UBAC1: variants seen among roughly 807,000 people sequenced by gnomAD.
UBAC1 encodes ubiquitin-associated domain-containing protein 1.
UBAC1 carries 27 observed loss-of-function variants against 45.9 expected under a neutral mutation model. The ratio of observed to expected loss-of-function variants is 0.59; its 90% CI spans 0.43 to 0.81. UBAC1 has a LOEUF of 0.81. UBAC1 is among the 30% of genes least tolerant of loss of function. The pLI, the probability that UBAC1 is intolerant of heterozygous loss-of-function variation, is 0.00. For synonymous variants in UBAC1, 227 were observed against 215.5 expected (o/e 1.05, Z -0.47); for missense variants, 529 against 539.2 (o/e 0.98, Z 0.19).
intron 2 of UBAC1, among the ~76,000 whole-genome samples, chr9:135,954,270 A>AC (rs959345196): frequency 5.3e-5 from 8 of 151,628 alleles, no homozygotes; most frequent in Non-Finnish European, 8.8e-5. Context: ...ACATGGCGAG[A>AC]CCCCATCTCT....
rs528767066 is a variant in UBAC1, at chr9:135,936,439, G to C, written c.1102+1783C>G. ...ATTAAGAGAAACTTTTAACATTTTT[G>C]GAAAAAAAAATAAAAGGAAAACGTG... is the stretch of plus-strand genomic sequence containing the variant. On this transcript the variant is annotated intron_variant, in intron 9 of 9. Transcript: ENST00000371756. 3.3e-5 allele frequency among the ~76,000 whole-genome samples: 5 copies of C among 150,232 alleles called. No homozygotes were observed. In the South Asian group the frequency reaches 1.0e-3, roughly 31 times the overall value.
At chr9:135,945,775 T>C (rs1839323961) in intron 6 of UBAC1, 114 bp downstream of exon 6, 1 of 788,970 alleles carries the variant, frequency 1.3e-6, no homozygotes, top group Non-Finnish European at 2.0e-6. Flanking sequence ...AACCCCACGT[T>C]AGAAATGATT....
chr9:135,960,691 C>T (rs1325969380), intron 1 of UBAC1, among the ~76,000 whole-genome samples: 4 of 148,322 alleles, frequency 2.7e-5, no homozygotes, highest in African/African-American at 9.7e-5. Context: ...GTTTCCCGAT[C>T]TGCCCCTACC....
intron 3 of UBAC1, among the ~76,000 whole-genome samples, chr9:135,952,740 G>A (rs1049235320): frequency 1.3e-5 from 2 of 152,224 alleles, no homozygotes; most frequent in Non-Finnish European, 2.9e-5. Flanking sequence ...GAACTGTTTC[G>A]GATTTCGGGT....
intron 3 of UBAC1, among the ~76,000 whole-genome samples, chr9:135,952,073 A>G (rs1462180522): frequency 1.3e-5 from 2 of 152,234 alleles, no homozygotes; most frequent in South Asian, 2.1e-4. Context: ...AGCAGTTCCC[A>G]GAAACAGGCC....
chr9:135,939,666 C>T lies in UBAC1; in HGVS notation c.963+7G>A, dbSNP rs934144246. ...CCCACACTCACTCACCACAGCCCAA[C>T]ACTCACCGCGGCATTCTGCTGGTTG... On this transcript the variant is annotated splice_region_variant and intron_variant, in intron 8 of 9. Coordinates refer to ENST00000371756, the MANE Select transcript of UBAC1 (RefSeq NM_016172.3). The T allele has an allele frequency of 1.9e-6, 3 of 1,611,934 alleles. No individual in the cohort carries two copies. Among genetic ancestry groups the T allele is most frequent in the Non-Finnish European group, 2.5e-6 (3 of 1,178,678 alleles).
chr9:135,948,581 G>A (rs1839367661), intron 3 of UBAC1, among the ~76,000 whole-genome samples: 1 of 152,266 alleles, frequency 6.6e-6, no homozygotes. Flanking sequence ...AACTCCCAGA[G>A]AGCTGGGCTT....
At chr9:135,939,977 A>C (rs1328371463) in intron 7 of UBAC1, among the ~76,000 whole-genome samples, 1 of 152,232 alleles carries the variant, frequency 6.6e-6, no homozygotes, top group Non-Finnish European at 1.5e-5. Flanking sequence ...GACTGTAGTT[A>C]GCAGAGCCGG....
At chr9:135,959,239 A>G (rs1214877965) in intron 1 of UBAC1, among the ~76,000 whole-genome samples, 3 of 152,086 alleles carry the variant, frequency 2.0e-5, no homozygotes, top group Admixed American at 1.3e-4. Flanking sequence ...CCATTAACCC[A>G]CAAGTTTGTT....
intron 7 of UBAC1, among the ~76,000 whole-genome samples, chr9:135,944,356 G>A (rs1839301348): frequency 2.6e-5 from 4 of 152,170 alleles, no homozygotes; most frequent in Admixed American, 2.6e-4. Flanking sequence ...ACAGCACAAT[G>A]TCACACACCC....
At chr9:135,941,946 G>A (rs1839274304) in intron 7 of UBAC1, among the ~76,000 whole-genome samples, 1 of 152,250 alleles carries the variant, frequency 6.6e-6, no homozygotes, top group African/African-American at 2.4e-5. Flanking sequence ...CAAAGGCTAG[G>A]AGGACTGATG....
At chr9:135,936,324 A>G (rs1839202772) in intron 9 of UBAC1, among the ~76,000 whole-genome samples, 1 of 152,198 alleles carries the variant, frequency 6.6e-6, no homozygotes, top group African/African-American at 2.4e-5. Context: ...ATAAACTCAC[A>G]AAAGACCATT....
intron 3 of UBAC1, among the ~76,000 whole-genome samples, chr9:135,951,798 G>A (rs1288929854): frequency 6.6e-6 from 1 of 152,026 alleles, no homozygotes; most frequent in African/African-American, 2.4e-5. Context: ...TAACAAAAGC[G>A]AAACTCTGTC....
At chr9:135,941,738 C>T (rs140354891) in intron 7 of UBAC1, among the ~76,000 whole-genome samples, 5 of 149,108 alleles carry the variant, frequency 3.4e-5, no homozygotes, top group Non-Finnish European at 7.4e-5. Flanking sequence ...AGGGGCCTTG[C>T]GCTCACGGGC....
chr9:135,941,242 C>T (rs1013078563), intron 7 of UBAC1, among the ~76,000 whole-genome samples: 43 of 152,096 alleles, frequency 2.8e-4, no homozygotes, highest in African/African-American at 9.2e-4. Flanking sequence ...CCCATCTCTA[C>T]TAAAAATACA....
intron 4 of UBAC1, 134 bp from the exon 5 acceptor site, chr9:135,946,505 T>G (rs2131087661): frequency 1.5e-6 from 1 of 665,180 alleles, no homozygotes; most frequent in Middle Eastern, 2.6e-4. Context: ...GACAGCAGGA[T>G]CAGCTGAGGG....
At chr9:135,935,529 T>C (rs1034458086) in intron 9 of UBAC1, among the ~76,000 whole-genome samples, 11 of 152,074 alleles carry the variant, frequency 7.2e-5, no homozygotes, top group African/African-American at 2.7e-4. Flanking sequence ...CCTGTAGTCA[T>C]AACTACCCAT....
At position 135,933,355 on chromosome 9, in the gene UBAC1, A is replaced by C; in HGVS notation, c.*45T>G. 1 of 1,564,516 alleles carries C rather than the reference A, an allele frequency of 6.4e-7. No homozygotes were observed. The highest frequency in any genetic ancestry group is 8.8e-7 in the Non-Finnish European group (1 of 1,135,146). ...TCCACTCTGCCCGGTCTCGGGCCGC[A>C]CCAGGGGGCTGCTGTGGCCTGATAG... is the stretch of plus-strand genomic sequence containing the variant. On this transcript the variant is annotated 3_prime_UTR_variant, in exon 10 of 10. Transcript: ENST00000371756.
intron 8 of UBAC1, among the ~76,000 whole-genome samples, chr9:135,938,600 C>T (rs540925421): frequency 3.3e-5 from 5 of 152,384 alleles, no homozygotes; most frequent in Admixed American, 2.6e-4. Context: ...ACCCTGGTGT[C>T]GCAGGGATCA....
Sources: gnomAD v4.1 joint callset for allele counts (sites outside exome capture counted in the v4.1 genomes callset) on GRCh38, gnomAD v4.1.1 for gene constraint, MANE v1.5 for transcripts, NCBI Gene and HGNC (gene_info 2026-07-23, HGNC 2026-07-21) for gene names.